The following PHACTR2 variants were observed in gnomAD, a reference collection of about 807,000 sequenced individuals.
The protein encoded by PHACTR2 is chromosome 6 open reading frame 56.
A neutral mutation model predicts 76.0 loss-of-function variants in PHACTR2; 30 were observed. The observed-to-expected ratio is 0.39, with a 90% confidence interval of 0.30 to 0.54. PHACTR2 has a LOEUF of 0.54. Ranked by LOEUF, PHACTR2 falls within the 20% of genes least tolerant of loss-of-function variation. The probability of loss-of-function intolerance (pLI) is 0.61; values close to 1 mark genes in which losing one functional copy is unlikely to be tolerated. For synonymous variants in PHACTR2, 292 were observed against 292.5 expected (o/e 1.00, Z 0.02); for missense variants, 696 against 781.1 (o/e 0.89, Z 1.30).
intron 1 of PHACTR2, among the ~76,000 whole-genome samples, chr6:143,650,957 A>C (rs1223921082): frequency 6.6e-6 from 1 of 152,202 alleles, no homozygotes; most frequent in African/African-American, 2.4e-5. Flanking sequence ...AATATCCAGC[A>C]TCTATTAATA....
chr6:143,579,889 G>A (rs1775554070), intron 1 of PHACTR2, among the ~76,000 whole-genome samples: 1 of 152,196 alleles, frequency 6.6e-6, no homozygotes, highest in African/African-American at 2.4e-5. Context: ...GTATGCGCCA[G>A]GGCTGCAGTC....
chr6:143,544,234 G>A (rs1380472570), intron 1 of PHACTR2, among the ~76,000 whole-genome samples: 3 of 125,486 alleles, frequency 2.4e-5, no homozygotes, highest in Non-Finnish European at 4.9e-5. Context: ...CATTCCAGGA[G>A]GGAGGGAGGG....
Position 143,688,942 on chromosome 6 carries a change from G to A in PHACTR2, c.46+10733G>A, listed in dbSNP as rs1264487328. The stretch of plus-strand genomic sequence containing the variant: ...ATCCAGATTGCATAGTATGGCCCTC[G>A]AGGCTCTACATGAGCCTATATGATC... On this transcript the variant is annotated intron_variant, in intron 1 of 12. Coordinates refer to ENST00000440869, the MANE Select transcript of PHACTR2 (RefSeq NM_001100164.2). This position sits in a 1 kb window ranked among gnomAD's most constrained non-coding sequence, Gnocchi z 5.2. Among the ~76,000 whole-genome samples the A allele has an allele frequency of 1.3e-5, 2 of 152,164 alleles. No individual in the cohort carries two copies. The highest frequency in any genetic ancestry group is 1.9e-4 in the East Asian group (1 of 5,196).
In PHACTR2 at chr6:143,776,853, T is replaced by C. The variant is rs1255220252; in HGVS notation, c.1590-475T>C. Among the ~76,000 whole-genome samples the C allele has an allele frequency of 2.0e-5, 3 of 152,252 alleles. No homozygotes were observed. Among genetic ancestry groups the C allele is most frequent in the Admixed American group, 2.0e-4 (3 of 15,288 alleles). ...GGCAGCCCCATTCCTTCTGTCTTGC[T>C]GCTCTCCCATCCCCTAGATGGTCTC... is the stretch of plus-strand genomic sequence containing the variant. On this transcript the variant is annotated intron_variant, in intron 8 of 12. Coordinates refer to ENST00000440869, the MANE Select transcript of PHACTR2 (RefSeq NM_001100164.2). The surrounding 1 kb of genome is among the most constrained non-coding windows in gnomAD (Gnocchi z 5.3).
At chr6:143,736,094 T>C (rs905785974) in intron 2 of PHACTR2, among the ~76,000 whole-genome samples, 2 of 152,162 alleles carry the variant, frequency 1.3e-5, no homozygotes, top group Non-Finnish European at 2.9e-5. Context: ...AATGGCACAA[T>C]CATAACTCAC....
intron 2 of PHACTR2, among the ~76,000 whole-genome samples, chr6:143,747,124 G>A (rs1325699861): frequency 6.6e-6 from 1 of 152,040 alleles, no homozygotes; most frequent in African/African-American, 2.4e-5. Flanking sequence ...CTTATATATT[G>A]TACATAAAAT....
intron 1 of PHACTR2, among the ~76,000 whole-genome samples, chr6:143,542,870 G>A (rs1007434814): frequency 6.6e-6 from 1 of 152,232 alleles, no homozygotes; most frequent in African/African-American, 2.4e-5. Context: ...GCCGAAACCA[G>A]TTGTGGAGCA....
At position 143,757,430 on chromosome 6, in the gene PHACTR2, G is replaced by T. The variant is rs140572248; in HGVS notation, c.455-2971G>T. 3.1e-3 allele frequency among the ~76,000 whole-genome samples: 469 copies of T among 152,310 alleles called. No individual in the cohort carries two copies. Among genetic ancestry groups the T allele is most frequent in the Non-Finnish European group, 4.0e-3 (274 of 68,022 alleles). On this transcript the variant is annotated intron_variant, in intron 4 of 12. Coordinates refer to ENST00000440869, the MANE Select transcript of PHACTR2 (RefSeq NM_001100164.2). This position sits in a 1 kb window ranked among gnomAD's most constrained non-coding sequence, Gnocchi z 4.2. ...AAGACATGAAGGAAACAAGAAGGAG[G>T]TCATCAAGTGAAGCAGAGGAATTGG...
At chr6:143,808,714 T>G (rs1011444996) in intron 12 of PHACTR2, among the ~76,000 whole-genome samples, 1 of 152,188 alleles carries the variant, frequency 6.6e-6, no homozygotes, top group Non-Finnish European at 1.5e-5. Context: ...TTCTTCTTTA[T>G]TTTTTTATTT....
At position 143,742,028 on chromosome 6, in the gene PHACTR2, G is replaced by A. The variant is rs1260945230; in HGVS notation, c.215-6957G>A. Among the ~76,000 whole-genome samples, 1 of 151,920 alleles carries A rather than the reference G, an allele frequency of 6.6e-6. No homozygotes were observed. Among genetic ancestry groups the A allele is most frequent in the African/African-American group, 2.4e-5 (1 of 41,368 alleles). On this transcript the variant is annotated intron_variant, in intron 2 of 12. Coordinates refer to ENST00000440869, the MANE Select transcript of PHACTR2 (RefSeq NM_001100164.2). The surrounding 1 kb of genome is among the most constrained non-coding windows in gnomAD (Gnocchi z 4.5). ...GCTGAGGCAGGAGAATTGCCTGAAC[G>A]CGGGAGGTGGAGGTTGCAGTGAGCT...
At position 143,826,455 on chromosome 6, in the gene PHACTR2, G is replaced by C. The variant is rs1380687739; in HGVS notation, c.*2766G>C. The C allele has an allele frequency of 2.0e-5, 3 of 152,240 alleles. No individual in the cohort carries two copies. The highest frequency in any genetic ancestry group is 7.2e-5 in the African/African-American group (3 of 41,464). The allele number at this position is 152,240 out of a possible 1,614,324, so 9.4% of individuals were successfully genotyped here. On this transcript the variant is annotated 3_prime_UTR_variant, in exon 13 of 13. Transcript: ENST00000440869. Reference sequence around the variant, plus strand: ...GCTATTTAAAGTTTGACATTAGGCTGACATCGAGGAAGTAAGTGGGTTTTC... The same window carrying C: ...GCTATTTAAAGTTTGACATTAGGCTCACATCGAGGAAGTAAGTGGGTTTTC...
intron 1 of PHACTR2, among the ~76,000 whole-genome samples, chr6:143,551,186 A>G (rs570394042): frequency 6.6e-5 from 10 of 152,138 alleles, no homozygotes; most frequent in African/African-American, 1.9e-4. Flanking sequence ...CCCCTTATCT[A>G]TGGGGGATTC....
chr6:143,564,237 G>A (rs9496672), intron 1 of PHACTR2, among the ~76,000 whole-genome samples: 29,874 of 54,332 alleles, frequency 0.55, 6,624 homozygotes, highest in Middle Eastern at 0.62. Context: ...ATATATATAT[G>A]TATGCCACTG....
intron 1 of PHACTR2, among the ~76,000 whole-genome samples, chr6:143,691,104 TCAA>T (rs1340778337): frequency 6.6e-6 from 1 of 152,188 alleles, no homozygotes; most frequent in Non-Finnish European, 1.5e-5. Flanking sequence ...GTCTGTGTTC[TCAA>T]CAAACATTCC....
In PHACTR2 at chr6:143,546,770, A is replaced by T. The variant is rs1775007256; in HGVS notation, c.217+9563A>T. On this transcript the variant is annotated intron_variant, in intron 1 of 11. Transcript: ENST00000367584. This position sits in a 1 kb window ranked among gnomAD's most constrained non-coding sequence, Gnocchi z 4.9. The stretch of plus-strand genomic sequence containing the variant: ...CCTGGGCGCAGTGGCTTACACATGT[A>T]ATCCCAACATTTTGGGAGGTGGAGG... 6.6e-6 allele frequency among the ~76,000 whole-genome samples: 1 copy of T among 152,100 alleles called. No individual in the cohort carries two copies. Among genetic ancestry groups the T allele is most frequent in the East Asian group, 1.9e-4 (1 of 5,198 alleles).
rs1009952462 is a variant in PHACTR2, at chr6:143,767,076, A to G, written c.1232+1278A>G. 6.6e-6 allele frequency among the ~76,000 whole-genome samples: 1 copy of G among 152,246 alleles called. No homozygotes were observed. The highest frequency in any genetic ancestry group is 1.5e-5 in the Non-Finnish European group (1 of 68,034). ...TCAAGAAACTAAAATATCAACTTTAATTCTTTAATTGCTAATGATAATAAC... is the reference window on the plus strand; with the variant it reads ...TCAAGAAACTAAAATATCAACTTTAGTTCTTTAATTGCTAATGATAATAAC... On this transcript the variant is annotated intron_variant, in intron 6 of 12. Coordinates refer to ENST00000440869, the MANE Select transcript of PHACTR2 (RefSeq NM_001100164.2). This position sits in a 1 kb window ranked among gnomAD's most constrained non-coding sequence, Gnocchi z 4.4.
At chr6:143,734,170 G>A (rs956329680) in intron 2 of PHACTR2, among the ~76,000 whole-genome samples, 2 of 152,110 alleles carry the variant, frequency 1.3e-5, no homozygotes, top group African/African-American at 4.8e-5. Context: ...GAATATGAGT[G>A]CTAACTTTTT....
Position 143,580,327 on chromosome 6 carries a change from T to C in PHACTR2, c.217+43120T>C, listed in dbSNP as rs181462613. 5.3e-5 allele frequency among the ~76,000 whole-genome samples: 8 copies of C among 152,038 alleles called. No individual in the cohort carries two copies. Among genetic ancestry groups the C allele is most frequent in the African/African-American group, 1.9e-4 (8 of 41,472 alleles). On this transcript the variant is annotated intron_variant, in intron 1 of 11. Coordinates refer to the PHACTR2 transcript ENST00000367584. The surrounding 1 kb of genome is among the most constrained non-coding windows in gnomAD (Gnocchi z 4.2). ...GGTGAAACCCCGTCTCTACTAAAAA[T>C]ACAAAAAATTAGCCCGGCTTGGTGG...
chr6:143,545,401 C>T (rs368860552), intron 1 of PHACTR2, among the ~76,000 whole-genome samples: 16 of 152,192 alleles, frequency 1.1e-4, no homozygotes, highest in African/African-American at 2.4e-4. Context: ...ACCCCAGCCA[C>T]GGGGACTCTG....
Sources: gnomAD v4.1 joint callset for allele counts (sites outside exome capture counted in the v4.1 genomes callset) on GRCh38, gnomAD v4.1.1 for gene constraint, Gnocchi (gnomAD v3.1) non-coding constraint, MANE v1.5 for transcripts, NCBI Gene and HGNC (gene_info 2026-07-23, HGNC 2026-07-21) for gene names.